DAB1: variants seen among roughly 807,000 people sequenced by gnomAD.
DAB1 encodes the protein DAB adaptor protein 1, also known as disabled homolog 1.
Under a neutral mutation model 64.6 loss-of-function variants are expected in DAB1, and 15 were observed. That is an observed-to-expected ratio of 0.23 (90% CI 0.16 to 0.36). The LOEUF is 0.36. Ranked by LOEUF, DAB1 falls within the 10% of genes least tolerant of loss-of-function variation. The pLI, the probability that DAB1 is intolerant of heterozygous loss-of-function variation, is 1.00. For synonymous variants in DAB1, 235 were observed against 251.9 expected (o/e 0.93, Z 0.64); for missense variants, 596 against 706.7 (o/e 0.84, Z 1.78).
At chr1:57,018,846 C>T (rs1294185272) in intron 11 of DAB1, among the ~76,000 whole-genome samples, 3 of 152,194 alleles carry the variant, frequency 2.0e-5, no homozygotes, top group African/African-American at 7.2e-5. Flanking sequence ...ATCTTCAATC[C>T]ATATCCTCAC....
intron 3 of DAB1, among the ~76,000 whole-genome samples, chr1:58,353,819 T>TAA (rs11409847): frequency 4.8e-4 from 73 of 151,168 alleles, no homozygotes; most frequent in African/African-American, 1.3e-3. Context: ...TCTTGTTTAA[T>TAA]AAAAAAAAAG....
At chr1:58,022,756 C>T (rs932441935) in intron 5 of DAB1, among the ~76,000 whole-genome samples, 8 of 151,982 alleles carry the variant, frequency 5.3e-5, no homozygotes, top group South Asian at 2.1e-4. Context: ...CACTGCACTT[C>T]GGAATTTCAT....
At chr1:57,273,915 C>T (rs1671253094) in intron 2 of DAB1, among the ~76,000 whole-genome samples, 1 of 152,078 alleles carries the variant, frequency 6.6e-6, no homozygotes, top group African/African-American at 2.4e-5. Flanking sequence ...GGTGAGTCCA[C>T]TTCCTACACA....
intron 6 of DAB1, among the ~76,000 whole-genome samples, chr1:57,816,535 T>C (rs1459611789): frequency 6.6e-6 from 1 of 152,252 alleles, no homozygotes; most frequent in Admixed American, 6.5e-5. Context: ...AAATTTTTGA[T>C]GACATACTGC....
intron 5 of DAB1, among the ~76,000 whole-genome samples, chr1:58,021,212 T>C (rs1177993350): frequency 6.6e-6 from 1 of 152,180 alleles, no homozygotes; most frequent in African/African-American, 2.4e-5. Flanking sequence ...ACACTGGAAG[T>C]CCCTCCAGGC....
chr1:58,180,292 T>TTTTTTTTTTTTTTTTTTTTTTTC (rs1557684542), intron 4 of DAB1, among the ~76,000 whole-genome samples: 10 of 123,830 alleles, frequency 8.1e-5, no homozygotes, highest in African/African-American at 1.3e-4. Context: ...TTTTTTTTTT[T>TTTTTTTTTTTTTTTTTTTTTTTC]TTTTTTTTTT....
intron 9 of DAB1, among the ~76,000 whole-genome samples, chr1:57,052,802 CTT>C (rs967972647): frequency 1.8e-4 from 28 of 152,318 alleles, no homozygotes; most frequent in African/African-American, 6.3e-4. Flanking sequence ...CTTGAATACT[CTT>C]AGTGGCAGAG....
chr1:57,830,645 C>A (rs1219810915), intron 1 of DAB1, among the ~76,000 whole-genome samples: 1 of 152,156 alleles, frequency 6.6e-6, no homozygotes. Flanking sequence ...GCCTGAGGCA[C>A]ACCTTTTGGA....
intron 5 of DAB1, among the ~76,000 whole-genome samples, chr1:58,099,576 T>C (rs1483817117): frequency 6.6e-6 from 1 of 152,186 alleles, no homozygotes; most frequent in Admixed American, 6.5e-5. Context: ...TTAAACAGCA[T>C]GGCACAGGCA....
intron 1 of DAB1, among the ~76,000 whole-genome samples, chr1:57,330,142 G>A: frequency 6.6e-6 from 1 of 152,156 alleles, no homozygotes; most frequent in Non-Finnish European, 1.5e-5. Context: ...CTTCACTTAA[G>A]CAACCTGGAC....
intron 9 of DAB1, 128 bp downstream of exon 9, chr1:57,062,756 G>A: frequency 1.3e-6 from 1 of 758,076 alleles, no homozygotes; most frequent in Non-Finnish European, 2.2e-6. Context: ...CCAGCATGCA[G>A]TCCCCAGCAG....
At chr1:57,871,650 T>C (rs1052856847) in intron 1 of DAB1, among the ~76,000 whole-genome samples, 1 of 152,168 alleles carries the variant, frequency 6.6e-6, no homozygotes, top group South Asian at 2.1e-4. Context: ...AAAGACAGTT[T>C]TGCTCTAGGT....
At chr1:57,915,240 C>G (rs1262841471) in intron 5 of DAB1, among the ~76,000 whole-genome samples, 3 of 151,634 alleles carry the variant, frequency 2.0e-5, no homozygotes, top group African/African-American at 7.3e-5. Context: ...TTGTTTCTCT[C>G]TTTCTGATTT....
At chr1:58,484,474 T>C (rs1159654204) in intron 3 of DAB1, among the ~76,000 whole-genome samples, 1 of 152,202 alleles carries the variant, frequency 6.6e-6, no homozygotes, top group African/African-American at 2.4e-5. Flanking sequence ...TTCACAGTTA[T>C]TCACATAACA....
intron 1 of DAB1, among the ~76,000 whole-genome samples, chr1:57,309,316 C>T (rs538257478): frequency 4.6e-5 from 7 of 152,272 alleles, no homozygotes; most frequent in African/African-American, 1.2e-4. Flanking sequence ...CTGAGCCCAT[C>T]GTTCATAACA....
intron 6 of DAB1, among the ~76,000 whole-genome samples, chr1:57,791,440 G>T (rs932952768): frequency 7.9e-5 from 12 of 152,074 alleles, no homozygotes; most frequent in Non-Finnish European, 1.5e-4. Context: ...AATATAAAAG[G>T]ATATGACTAT....
intron 5 of DAB1, among the ~76,000 whole-genome samples, chr1:58,008,793 A>G (rs967280511): frequency 6.6e-6 from 1 of 152,172 alleles, no homozygotes; most frequent in Non-Finnish European, 1.5e-5. Flanking sequence ...CTCTTACTGA[A>G]TATGTCCAAG....
intron 9 of DAB1, among the ~76,000 whole-genome samples, chr1:57,059,237 G>A (rs1464177657): frequency 6.6e-6 from 1 of 152,170 alleles, no homozygotes; most frequent in African/African-American, 2.4e-5. Context: ...TCTTTTGGTA[G>A]ATAATAACAT....
chr1:58,397,051 C>A (rs183548731), intron 3 of DAB1, among the ~76,000 whole-genome samples: 1,665 of 144,126 alleles, frequency 0.012, 29 homozygotes, highest in African/African-American at 0.041. Context: ...GGCGACGGAG[C>A]GAGACTCCGT....
Sources: allele counts gnomAD v4.1 joint callset (sites outside exome capture counted in the v4.1 genomes callset), GRCh38; gene constraint gnomAD v4.1.1; transcripts MANE v1.5; gene names NCBI Gene and HGNC (gene_info 2026-07-23, HGNC 2026-07-21).